The following KCND2 variants were observed in gnomAD, a reference collection of about 807,000 sequenced individuals.
The protein encoded by KCND2 is potassium voltage-gated channel subfamily D member 2, also known as A-type voltage-gated potassium channel KCND2.
A neutral mutation model predicts 54.4 loss-of-function variants in KCND2; 16 were observed. The observed-to-expected ratio is 0.29, with a 90% CI of 0.20 to 0.45. The LOEUF (loss-of-function observed/expected upper bound fraction) is 0.45. KCND2 is among the 20% of genes least tolerant of loss of function. KCND2 has a pLI of 1.00. For missense variants in KCND2, 486 were observed against 824.2 expected (o/e 0.59, Z 5.02); for synonymous variants, 317 against 310.7 (o/e 1.02, Z -0.21).
intron 1 of KCND2, among the ~76,000 whole-genome samples, chr7:120,638,120 G>T (rs1016601020): frequency 6.6e-6 from 1 of 152,114 alleles, no homozygotes; most frequent in Non-Finnish European, 1.5e-5. Context: ...GTAAATTTGG[G>T]ATTAGGATCT....
At chr7:120,665,285 T>C (rs1264009295) in intron 1 of KCND2, among the ~76,000 whole-genome samples, 3 of 152,078 alleles carry the variant, frequency 2.0e-5, no homozygotes, top group African/African-American at 4.8e-5. Context: ...AGTTGGCAGT[T>C]ATTTTTGTCT....
intron 1 of KCND2, among the ~76,000 whole-genome samples, chr7:120,419,480 G>C (rs1332716441): frequency 6.6e-6 from 1 of 152,074 alleles, no homozygotes; most frequent in Non-Finnish European, 1.5e-5. Flanking sequence ...GTATACTAAG[G>C]AATCTCTTTG....
chr7:120,649,399 G>A (rs1482834405), intron 1 of KCND2, among the ~76,000 whole-genome samples: 1 of 152,048 alleles, frequency 6.6e-6, no homozygotes, highest in Non-Finnish European at 1.5e-5. Context: ...ATAAACAACA[G>A]AAGAGTTCAA....
chr7:120,388,214 A>G (rs889424305), intron 1 of KCND2, among the ~76,000 whole-genome samples: 8 of 152,074 alleles, frequency 5.3e-5, no homozygotes, highest in Admixed American at 2.6e-4. Flanking sequence ...CTTTTTTTAT[A>G]TAATTGAATA....
chr7:120,702,836 G>T (rs771268135), intron 1 of KCND2, among the ~76,000 whole-genome samples: 2 of 152,098 alleles, frequency 1.3e-5, no homozygotes, highest in Non-Finnish European at 2.9e-5. Flanking sequence ...ATAGGTACTA[G>T]GCATAATACC....
intron 1 of KCND2, among the ~76,000 whole-genome samples, chr7:120,504,899 G>C (rs1416503064): frequency 6.6e-6 from 1 of 151,580 alleles, no homozygotes; most frequent in Admixed American, 6.6e-5. Context: ...TAGCACGTGA[G>C]TAGGTGGGTA....
intron 1 of KCND2, among the ~76,000 whole-genome samples, chr7:120,511,074 T>C (rs1283382869): frequency 6.6e-6 from 1 of 150,960 alleles, no homozygotes; most frequent in East Asian, 1.9e-4. Context: ...TTCTAACTAC[T>C]GACTCCTTAC....
chr7:120,605,874 A>G (rs867572162), intron 1 of KCND2, among the ~76,000 whole-genome samples: 33 of 152,160 alleles, frequency 2.2e-4, no homozygotes, highest in African/African-American at 7.5e-4. Context: ...TAGTGTGGCT[A>G]TGTCCCCACC....
chr7:120,724,269 A>G (rs1228916530), intron 1 of KCND2, among the ~76,000 whole-genome samples: 1 of 152,186 alleles, frequency 6.6e-6, no homozygotes, highest in Non-Finnish European at 1.5e-5. Context: ...CTACTCTCTC[A>G]GTTGCAAGTA....
At chr7:120,501,348 C>A (rs1802929167) in intron 1 of KCND2, among the ~76,000 whole-genome samples, 1 of 152,050 alleles carries the variant, frequency 6.6e-6, no homozygotes, top group African/African-American at 2.4e-5. Context: ...TATGACAGGT[C>A]CCTTAAGATT....
chr7:120,369,454 G>A (rs1474768523), intron 1 of KCND2, among the ~76,000 whole-genome samples: 1 of 151,960 alleles, frequency 6.6e-6, no homozygotes, highest in East Asian at 1.9e-4. Flanking sequence ...TTTCCTTCAG[G>A]AAATATATGA....
chr7:120,355,980 C>T (rs538681107), intron 1 of KCND2, among the ~76,000 whole-genome samples: 1 of 152,270 alleles, frequency 6.6e-6, no homozygotes, highest in African/African-American at 2.4e-5. Context: ...TCGAATCCAT[C>T]TTTGTTTTCT....
intron 1 of KCND2, among the ~76,000 whole-genome samples, chr7:120,532,247 A>T (rs1374968052): frequency 6.6e-6 from 1 of 152,068 alleles, no homozygotes; most frequent in South Asian, 2.1e-4. Context: ...GAATATTTAT[A>T]CATGTGAACA....
intron 1 of KCND2, among the ~76,000 whole-genome samples, chr7:120,663,102 A>G (rs1791885629): frequency 6.6e-6 from 1 of 152,180 alleles, no homozygotes; most frequent in South Asian, 2.1e-4. Context: ...GGAAGGGTAC[A>G]TTTGTACCAT....
chr7:120,337,077 G>A (rs980537944), intron 1 of KCND2, among the ~76,000 whole-genome samples: 1 of 151,634 alleles, frequency 6.6e-6, no homozygotes, highest in Admixed American at 6.6e-5. Flanking sequence ...GCCTCTCCAC[G>A]TATGTAACTT....
At chr7:120,642,607 C>CT (rs1793392217) in intron 1 of KCND2, among the ~76,000 whole-genome samples, 1 of 150,518 alleles carries the variant, frequency 6.6e-6, no homozygotes, top group African/African-American at 2.4e-5. Flanking sequence ...TATAATTAAG[C>CT]TTTTAAAAAG....
chr7:120,392,894 C>T (rs1228461174), intron 1 of KCND2, among the ~76,000 whole-genome samples: 2 of 151,996 alleles, frequency 1.3e-5, no homozygotes, highest in Non-Finnish European at 2.9e-5. Flanking sequence ...ATCCACCAAT[C>T]ACTATGTGTA....
chr7:120,597,137 G>T (rs532459973), intron 1 of KCND2, among the ~76,000 whole-genome samples: 8 of 152,276 alleles, frequency 5.3e-5, no homozygotes, highest in African/African-American at 1.9e-4. Context: ...CAATATGAAA[G>T]ATGATAAGGA....
intron 1 of KCND2, among the ~76,000 whole-genome samples, chr7:120,657,274 G>T (rs1208685789): frequency 6.6e-6 from 1 of 152,022 alleles, no homozygotes; most frequent in African/African-American, 2.4e-5. Flanking sequence ...AAACAGTAAA[G>T]AATAATTTGA....
Sources: gnomAD v4.1 joint callset for allele counts (sites outside exome capture counted in the v4.1 genomes callset) on GRCh38, gnomAD v4.1.1 for gene constraint, MANE v1.5 for transcripts, NCBI Gene and HGNC (gene_info 2026-07-23, HGNC 2026-07-21) for gene names.